ARID1B: variants seen among roughly 807,000 people sequenced by gnomAD.
ARID1B encodes AT-rich interactive domain-containing protein 1B.
In ARID1B, 30 loss-of-function variants were observed where a neutral mutation model predicts 212.3. The ratio of observed to expected loss-of-function variants is 0.14; its 90% CI spans 0.11 to 0.19. The LOEUF is 0.19. Ranked by LOEUF, ARID1B falls within the 10% of genes least tolerant of loss-of-function variation. ARID1B has a pLI of 1.00. For missense variants in ARID1B, 2,891 were observed against 3,204.0 expected (o/e 0.90, Z 2.36); for synonymous variants, 1,402 against 1,301.7 (o/e 1.08, Z -1.66).
intron 2 of ARID1B, chr6:156,871,684 C>T: frequency 6.2e-7 from 1 of 1,606,674 alleles, no homozygotes; most frequent in Non-Finnish European, 8.5e-7. Context: ...CTTACTTGCT[C>T]CAAGTCTTTG....
chr6:157,171,211 C>G (rs1468035237), intron 9 of ARID1B, among the ~76,000 whole-genome samples: 1 of 152,210 alleles, frequency 6.6e-6, no homozygotes, highest in Non-Finnish European at 1.5e-5. Context: ...AGAAATCGTT[C>G]TAGTTCTTAA....
intron 4 of ARID1B, among the ~76,000 whole-genome samples, chr6:156,990,271 C>T (rs1778192022): frequency 6.6e-6 from 1 of 151,204 alleles, no homozygotes; most frequent in Non-Finnish European, 1.5e-5. Context: ...ACTCCCGGCT[C>T]AAGCGATTCT....
At chr6:157,184,792 T>A (rs1181924387) in intron 13 of ARID1B, 1 of 312,410 alleles carries the variant, frequency 3.2e-6, no homozygotes. Flanking sequence ...AGTGGCCAGT[T>A]TGAATACATG....
rs565147002 is a variant in ARID1B, at chr6:157,198,814, T to G, written c.4386T>G (p.His1462Gln). 1 of 1,611,204 alleles carries G rather than the reference T, an allele frequency of 6.2e-7. No homozygotes were observed. Among genetic ancestry groups the G allele is most frequent in the South Asian group, 1.1e-5 (1 of 90,304 alleles). ...FPYGASYDRR[H>Q]EPYGQQYPGQ... Reference sequence around the variant, plus strand: ...TTCTTTGAATGCCTCATTCCAGGCATGAACCTTATGGGCAGCAGTATCCAG... The same window carrying G: ...TTCTTTGAATGCCTCATTCCAGGCAGGAACCTTATGGGCAGCAGTATCCAG... The change falls in exon 17 of 20, where the codon CAT (histidine) becomes CAG (glutamine). Residue 1462 changes from histidine to glutamine, a missense_variant. This residue lies in a region of ARID1B where 666 missense variants were observed against 873.5 expected (regional missense o/e 0.76). Transcript: ENST00000636930.
At position 157,210,466 on chromosome 6, in the gene ARID1B, A is replaced by G. The variant is rs1794701584; in HGVS notation, c.*2575A>G. The stretch of plus-strand genomic sequence containing the variant: ...CGCAGAGTCTGACCGTTGGGCAACA[A>G]GTTTTTCTATCCTGATGCGCAACAC... On this transcript the variant is annotated 3_prime_UTR_variant, in exon 20 of 20. Coordinates refer to ENST00000636930, the MANE Select transcript of ARID1B (RefSeq NM_001374828.1). The G allele has an allele frequency of 4.3e-6, 1 of 232,040 alleles. No homozygotes were observed. The highest frequency in any genetic ancestry group is 2.2e-5 in the African/African-American group (1 of 45,286). 14.4% of individuals were successfully genotyped at this position (232,040 alleles called of 1,614,324 possible).
rs531292986 is a variant in ARID1B, at chr6:157,135,610, C to A, written c.2761+2403C>A. Among the ~76,000 whole-genome samples, 27 of 152,298 alleles carry A rather than the reference C, an allele frequency of 1.8e-4. No individual in the cohort carries two copies. The East Asian group carries it at 5.0e-3, about 28-fold the overall frequency. On this transcript the variant is annotated intron_variant, in intron 7 of 19. Transcript: ENST00000636930. ...TCGGAGCGCTGTGTGCTGTGAGGGTCCTGGTACTCTCAATGTCCAAATCAA... is the reference window on the plus strand; with the variant it reads ...TCGGAGCGCTGTGTGCTGTGAGGGTACTGGTACTCTCAATGTCCAAATCAA...
chr6:156,791,722 C>G (rs1251022548), intron 1 of ARID1B, among the ~76,000 whole-genome samples: 3 of 152,214 alleles, frequency 2.0e-5, no homozygotes, highest in Admixed American at 2.0e-4. Context: ...AGCTTTCTAC[C>G]TGGTCCAGGG....
rs567240417 is a variant in ARID1B, at chr6:156,967,448, G to A, written c.2247+31872G>A. On this transcript the variant is annotated intron_variant, in intron 4 of 19. Coordinates refer to ENST00000636930, the MANE Select transcript of ARID1B (RefSeq NM_001374828.1). ...TGAAGTTAATGATTAATTTGGAAAT[G>A]GGTTTTTTTCCTCCTGATGCTTTTG... is the stretch of plus-strand genomic sequence containing the variant. Among the ~76,000 whole-genome samples, 31 of 152,292 alleles carry A rather than the reference G, an allele frequency of 2.0e-4. No homozygotes were observed. In the South Asian group the frequency reaches 6.2e-3, roughly 31 times the overall value.
chr6:156,950,315 G>A (rs549537474), intron 4 of ARID1B, among the ~76,000 whole-genome samples: 8 of 152,344 alleles, frequency 5.3e-5, no homozygotes, highest in East Asian at 1.9e-4. Flanking sequence ...CCATATAACC[G>A]TAATAGGAGC....
At position 156,899,444 on chromosome 6, in the gene ARID1B, C is replaced by A. The variant is rs577908143; in HGVS notation, c.1987-1932C>A. On this transcript the variant is annotated intron_variant, in intron 2 of 19. Coordinates refer to ENST00000636930, the MANE Select transcript of ARID1B (RefSeq NM_001374828.1). ...CCCAGGCTTACAGAAGGTGGGGTGC[C>A]AGCAAAGTTGGTCCTAAATGGATGA... is the stretch of plus-strand genomic sequence containing the variant. 2.6e-5 allele frequency among the ~76,000 whole-genome samples: 4 copies of A among 152,200 alleles called. No homozygotes were observed. In the East Asian group the frequency reaches 7.7e-4, roughly 29 times the overall value.
chr6:156,889,061 T>G (rs1447816469), intron 2 of ARID1B, among the ~76,000 whole-genome samples: 1 of 152,226 alleles, frequency 6.6e-6, no homozygotes, highest in Non-Finnish European at 1.5e-5. Context: ...AGGTGAGTTT[T>G]TCACTGCTGT....
chr6:156,871,294 C>T (rs1342598391), intron 2 of ARID1B, among the ~76,000 whole-genome samples: 2 of 152,200 alleles, frequency 1.3e-5, no homozygotes, highest in African/African-American at 2.4e-5. Context: ...CAGTGCCTGG[C>T]ATCCAGTAGG....
intron 2 of ARID1B, among the ~76,000 whole-genome samples, chr6:156,854,990 AG>A (rs1408288668): frequency 1.3e-5 from 2 of 152,174 alleles, no homozygotes; most frequent in African/African-American, 4.8e-5. Flanking sequence ...CTGTTTGATA[AG>A]GCTTTTGTGA....
At position 156,778,069 on chromosome 6, in the gene ARID1B, C is replaced by T. The variant is rs1357090779; in HGVS notation, c.389C>T (p.Ala130Val). ...TCCTCCTCCGCGGCGGCAGCGGCGGCATCCTCTTCCTCCTCGTCGGGCCCG... is the reference window on the plus strand; with the variant it reads ...TCCTCCTCCGCGGCGGCAGCGGCGGTATCCTCTTCCTCCTCGTCGGGCCCG... ...SSSSSAAAAA[A>V]SSSSSSGPGS... Residue 130 changes from alanine to valine, a missense_variant, in exon 1 of 20, where the codon GCA becomes GTA. Around this residue, in one of 7 missense-constraint regions of ARID1B, gnomAD observed 1,643 missense variants for 1,544.0 expected, o/e 1.06. Transcript: ENST00000636930. 1 of 1,539,182 alleles carries T rather than the reference C, an allele frequency of 6.5e-7. No homozygotes were observed. Among genetic ancestry groups the T allele is most frequent in the African/African-American group, 1.4e-5 (1 of 73,016 alleles).
At chr6:157,076,250 A>G (rs763543648) in intron 4 of ARID1B, among the ~76,000 whole-genome samples, 21 of 152,128 alleles carry the variant, frequency 1.4e-4, no homozygotes, top group Admixed American at 2.6e-4. Context: ...CCTATTTTTC[A>G]TAGTAGACTC....
intron 5 of ARID1B, among the ~76,000 whole-genome samples, chr6:157,105,051 A>G (rs1032866492): frequency 1.3e-5 from 2 of 152,258 alleles, no homozygotes; most frequent in African/African-American, 4.8e-5. Flanking sequence ...ACATGTGAAC[A>G]TGTATTAAAT....
intron 2 of ARID1B, among the ~76,000 whole-genome samples, chr6:156,847,113 C>T (rs1784284108): frequency 6.6e-6 from 1 of 151,748 alleles, no homozygotes; most frequent in Non-Finnish European, 1.5e-5. Context: ...AGCATTTAAT[C>T]TGTCTGTTTA....
intron 3 of ARID1B, among the ~76,000 whole-genome samples, chr6:156,919,433 A>G (rs994826871): frequency 2.0e-5 from 3 of 152,016 alleles, no homozygotes; most frequent in Admixed American, 6.6e-5. Flanking sequence ...GTGAGGAATT[A>G]TATAGTAATA....
At chr6:156,859,258 T>G (rs1042449457) in intron 2 of ARID1B, among the ~76,000 whole-genome samples, 1 of 152,086 alleles carries the variant, frequency 6.6e-6, no homozygotes, top group Non-Finnish European at 1.5e-5. Flanking sequence ...GGGCTACAGG[T>G]GCCCGCCACC....
Sources: allele counts gnomAD v4.1 joint callset (sites outside exome capture counted in the v4.1 genomes callset), GRCh38; gene constraint gnomAD v4.1.1; regional missense constraint gnomAD v4.1.1; transcripts MANE v1.5; gene names NCBI Gene and HGNC (gene_info 2026-07-23, HGNC 2026-07-21).